GRAMD1B: variants seen among roughly 807,000 people sequenced by gnomAD.
The protein encoded by GRAMD1B is protein Aster-B.
In GRAMD1B, 37 loss-of-function variants were observed where a neutral mutation model predicts 99.7. That is an observed-to-expected ratio of 0.37 (90% confidence interval 0.29 to 0.49). The LOEUF is 0.49. Among genes scored for constraint, GRAMD1B ranks in the 20% least tolerant of loss-of-function variants. The pLI, the probability that GRAMD1B is intolerant of heterozygous loss-of-function variation, is 0.98. For synonymous variants in GRAMD1B, 427 were observed against 387.6 expected (o/e 1.10, Z -1.19); for missense variants, 888 against 1,009.2 (o/e 0.88, Z 1.63).
intron 2 of GRAMD1B, among the ~76,000 whole-genome samples, chr11:123,487,651 C>T (rs1019330568): frequency 2.2e-4 from 33 of 152,214 alleles, no homozygotes; most frequent in African/African-American, 7.7e-4. Flanking sequence ...GTCACCCAGG[C>T]TGGAGTACAG....
intron 1 of GRAMD1B, among the ~76,000 whole-genome samples, chr11:123,446,284 G>A (rs1053052848): frequency 2.0e-5 from 3 of 152,130 alleles, no homozygotes; most frequent in African/African-American, 7.2e-5. Context: ...TCCCGCCTCA[G>A]CCTCCCGAGT....
In GRAMD1B at chr11:123,605,430, C is replaced by T. The variant is rs770906556; in HGVS notation, c.1275C>T (p.Ile425=). The change falls in exon 10 of 20, where the codon ATC becomes ATT. Residue 425 remains isoleucine, a synonymous_variant. Coordinates refer to ENST00000635736, the MANE Select transcript of GRAMD1B (RefSeq NM_001387025.1). ...GTCCACAGCTGCCCAAGAAATCCATCACCAACAGCACACTAACATCCACAG... is the reference window on the plus strand; with the variant it reads ...GTCCACAGCTGCCCAAGAAATCCATTACCAACAGCACACTAACATCCACAG... The part of the protein sequence containing the change: ...DASPQLPKKS[I]TNSTLTSTGS... 1.1e-5 allele frequency: 18 copies of T among 1,613,458 alleles called. No homozygotes were observed. Among genetic ancestry groups the T allele is most frequent in the Non-Finnish European group, 1.4e-5 (17 of 1,179,642 alleles).
At chr11:123,431,786 C>G (rs1948905797) in intron 1 of GRAMD1B, among the ~76,000 whole-genome samples, 1 of 152,186 alleles carries the variant, frequency 6.6e-6, no homozygotes, top group Non-Finnish European at 1.5e-5. Context: ...GTGGTTTGTA[C>G]CAGCTAGTTT....
chr11:123,511,398 C>G (rs946520496), intron 2 of GRAMD1B, among the ~76,000 whole-genome samples: 1 of 152,182 alleles, frequency 6.6e-6, no homozygotes, highest in Admixed American at 6.5e-5. Context: ...GGGTGCTGCG[C>G]TGCTCAAACT....
intron 1 of GRAMD1B, among the ~76,000 whole-genome samples, chr11:123,437,338 G>A (rs764219053): frequency 6.6e-6 from 1 of 152,156 alleles, no homozygotes; most frequent in Non-Finnish European, 1.5e-5. Flanking sequence ...GAATTGCTAG[G>A]TTCAGAAAAC....
At chr11:123,614,675 C>T in intron 16 of GRAMD1B, 70 bp from the exon 17 acceptor site, 1 of 844,802 alleles carries the variant, frequency 1.2e-6, no homozygotes, top group Non-Finnish European at 2.0e-6. Flanking sequence ...GCTGTTTGAC[C>T]AGTGTCCCCA....
At chr11:123,393,374 G>A (rs188422129) in intron 1 of GRAMD1B, among the ~76,000 whole-genome samples, 28 of 152,252 alleles carry the variant, frequency 1.8e-4, no homozygotes, top group Admixed American at 9.2e-4. Context: ...TAATAACCAC[G>A]GTTTATTGCC....
At chr11:123,619,326 C>G in intron 19 of GRAMD1B, 102 bp downstream of exon 19, 5 of 1,528,706 alleles carry the variant, frequency 3.3e-6, no homozygotes, top group Non-Finnish European at 4.4e-6. Flanking sequence ...ACCCTCCAGA[C>G]TTCTCCCTCC....
chr11:123,608,519 T>C, intron 11 of GRAMD1B, 140 bp from the exon 12 acceptor site: 1 of 1,541,132 alleles, frequency 6.5e-7, no homozygotes, highest in South Asian at 1.2e-5. Context: ...CGAGCTCAGC[T>C]GTCCTGCTCC....
intron 1 of GRAMD1B, among the ~76,000 whole-genome samples, chr11:123,384,590 G>T (rs896524024): frequency 6.6e-6 from 1 of 152,158 alleles, no homozygotes; most frequent in African/African-American, 2.4e-5. Flanking sequence ...GAGAGCAGGG[G>T]TTTTATCTGT....
chr11:123,587,215 C>G lies in GRAMD1B; in HGVS notation c.684+2883C>G, dbSNP rs972499232. Reference sequence around the variant, plus strand: ...TGCTTGGTCTAAAGAGTGAGTCATGCGGAGGCAAGTGGCTGGACCCCAGGG... The same window carrying G: ...TGCTTGGTCTAAAGAGTGAGTCATGGGGAGGCAAGTGGCTGGACCCCAGGG... On this transcript the variant is annotated intron_variant, in intron 4 of 19. Transcript: ENST00000635736. The surrounding 1 kb of genome is among the most constrained non-coding windows in gnomAD (Gnocchi z 4.2). 6.6e-6 allele frequency among the ~76,000 whole-genome samples: 1 copy of G among 152,168 alleles called. No homozygotes were observed. The highest frequency in any genetic ancestry group is 6.5e-5 in the Admixed American group (1 of 15,288).
intron 1 of GRAMD1B, among the ~76,000 whole-genome samples, chr11:123,445,516 T>C (rs1281512999): frequency 6.6e-6 from 1 of 151,654 alleles, no homozygotes; most frequent in East Asian, 1.9e-4. Flanking sequence ...AAATATCACT[T>C]TAAAAAAAAG....
At chr11:123,505,555 A>G (rs1940336513) in intron 2 of GRAMD1B, among the ~76,000 whole-genome samples, 1 of 152,170 alleles carries the variant, frequency 6.6e-6, no homozygotes, top group African/African-American at 2.4e-5. Flanking sequence ...CCCTTTACAT[A>G]TGTTATCTCA....
intron 10 of GRAMD1B, 76 bp from the exon 11 acceptor site, chr11:123,606,533 G>T (rs1385924324): frequency 3.0e-6 from 4 of 1,322,498 alleles, no homozygotes; most frequent in Non-Finnish European, 2.1e-6. Flanking sequence ...TGCCAAGGCT[G>T]CATCCCTAAT....
Position 123,624,512 on chromosome 11 carries a change from T to C in GRAMD1B, c.*1917T>C, listed in dbSNP as rs1425006200. 1 of 152,194 alleles carries C rather than the reference T, an allele frequency of 6.6e-6. No individual in the cohort carries two copies. The highest frequency in any genetic ancestry group is 1.5e-5 in the Non-Finnish European group (1 of 68,062). The allele number at this position is 152,194 out of a possible 1,614,324, so 9.4% of individuals were successfully genotyped here. The stretch of plus-strand genomic sequence containing the variant: ...GGAGATGGGAGGAAATGCAGTTTCA[T>C]GTAATCCCTGTGAAGAGTGCCTATG... On this transcript the variant is annotated 3_prime_UTR_variant, in exon 20 of 20. Coordinates refer to ENST00000635736, the MANE Select transcript of GRAMD1B (RefSeq NM_001387025.1).
intron 1 of GRAMD1B, among the ~76,000 whole-genome samples, chr11:123,420,711 G>A (rs950499514): frequency 6.6e-6 from 1 of 152,200 alleles, no homozygotes; most frequent in South Asian, 2.1e-4. Flanking sequence ...GTCTGAATGT[G>A]TATTTTACAG....
At chr11:123,564,761 G>A (rs1947161339) in intron 2 of GRAMD1B, among the ~76,000 whole-genome samples, 1 of 152,192 alleles carries the variant, frequency 6.6e-6, no homozygotes, top group Non-Finnish European at 1.5e-5. Flanking sequence ...TGCTGAGGAT[G>A]GGGGAGGGGT....
At position 123,510,404 on chromosome 11, in the gene GRAMD1B, G is replaced by T. The variant is rs1385359436; in HGVS notation, c.452+29511G>T. Among the ~76,000 whole-genome samples the T allele has an allele frequency of 6.6e-6, 1 of 152,160 alleles. No individual in the cohort carries two copies. The highest frequency in any genetic ancestry group is 1.5e-5 in the Non-Finnish European group (1 of 68,040). On this transcript the variant is annotated intron_variant, in intron 2 of 19. Coordinates refer to ENST00000635736, the MANE Select transcript of GRAMD1B (RefSeq NM_001387025.1). The surrounding 1 kb of genome is among the most constrained non-coding windows in gnomAD (Gnocchi z 4.3). The stretch of plus-strand genomic sequence containing the variant: ...CTTCGCTCCTGGGAAGAAGTACCAG[G>T]CCAGGGGAGGTGCCCCCTGACTCAG...
intron 2 of GRAMD1B, among the ~76,000 whole-genome samples, chr11:123,512,702 T>TG: frequency 7.7e-6 from 1 of 129,380 alleles, no homozygotes; most frequent in African/African-American, 3.1e-5. Flanking sequence ...GCATTGTGAA[T>TG]CTTTTTTTTT....
Sources: gnomAD v4.1 joint callset for allele counts (sites outside exome capture counted in the v4.1 genomes callset) on GRCh38, gnomAD v4.1.1 for gene constraint, Gnocchi (gnomAD v3.1) non-coding constraint, MANE v1.5 for transcripts, NCBI Gene and HGNC (gene_info 2026-07-23, HGNC 2026-07-21) for gene names.